VPS26B: variants seen among roughly 807,000 people sequenced by gnomAD.
VPS26B encodes VPS26 retromer complex component B.
Under a neutral mutation model 33.3 loss-of-function variants are expected in VPS26B, and 10 were observed. The ratio of observed to expected loss-of-function variants is 0.30; its 90% CI spans 0.19 to 0.51. The LOEUF (loss-of-function observed/expected upper bound fraction) is 0.51, where lower values mean the gene tolerates loss of function less well. Ranked by LOEUF, VPS26B falls within the 20% of genes least tolerant of loss-of-function variation. VPS26B has a pLI of 0.98. For missense variants in VPS26B, 317 were observed against 452.7 expected (o/e 0.70, Z 2.72); for synonymous variants, 190 against 176.9 (o/e 1.07, Z -0.59).
At chr11:134,243,458 G>T in intron 4 of VPS26B, 164 bp downstream of exon 4, 2 of 820,388 alleles carry the variant, frequency 2.4e-6, no homozygotes, top group South Asian at 1.9e-5. Flanking sequence ...AGGAAGAAAA[G>T]GAAGGCTGAG....
intron 1 of VPS26B, among the ~76,000 whole-genome samples, chr11:134,232,646 G>A (rs890715752): frequency 1.3e-5 from 2 of 152,222 alleles, no homozygotes; most frequent in African/African-American, 2.4e-5. Flanking sequence ...TGCCTTCTCT[G>A]TTTTGTTTAT....
chr11:134,237,796 G>T (rs531154020), intron 2 of VPS26B, among the ~76,000 whole-genome samples: 1 of 152,232 alleles, frequency 6.6e-6, no homozygotes, highest in Non-Finnish European at 1.5e-5. Flanking sequence ...AGCGGTTTCT[G>T]TTGGGTGGTG....
chr11:134,242,657 T>C (rs1269056294), intron 3 of VPS26B, among the ~76,000 whole-genome samples: 3 of 152,272 alleles, frequency 2.0e-5, no homozygotes, highest in African/African-American at 7.2e-5. Context: ...CTACTGCTGC[T>C]GCCTGGCCTG....
At chr11:134,238,853 C>T (rs1938676051) in intron 2 of VPS26B, among the ~76,000 whole-genome samples, 1 of 152,164 alleles carries the variant, frequency 6.6e-6, no homozygotes. Flanking sequence ...CCTCTGCCTC[C>T]CAAAGTGCTG....
At chr11:134,231,978 TGTGATG>T (rs1938561746) in intron 1 of VPS26B, among the ~76,000 whole-genome samples, 1 of 152,248 alleles carries the variant, frequency 6.6e-6, no homozygotes, top group South Asian at 2.1e-4. Flanking sequence ...ATGGGTGACC[TGTGATG>T]CAAAGCTGGC....
intron 1 of VPS26B, among the ~76,000 whole-genome samples, chr11:134,228,553 T>C (rs1319457911): frequency 6.6e-6 from 1 of 152,158 alleles, no homozygotes; most frequent in Non-Finnish European, 1.5e-5. Flanking sequence ...TTCTATTCGA[T>C]GTAAAAGGGA....
At chr11:134,237,000 T>C (rs148131747) in intron 2 of VPS26B, among the ~76,000 whole-genome samples, 79 of 152,344 alleles carry the variant, frequency 5.2e-4, no homozygotes, top group African/African-American at 1.8e-3. Flanking sequence ...AAAGTGTTAA[T>C]GTCCAAATCA....
chr11:134,243,446 TAAGG>T, intron 4 of VPS26B, 152 bp downstream of exon 4: 2 of 963,544 alleles, frequency 2.1e-6, no homozygotes, highest in East Asian at 5.3e-5. Context: ...TGGGTGGCCA[TAAGG>T]AAGAAAAGGA....
intron 2 of VPS26B, chr11:134,235,348 C>T (rs1938616743): frequency 8.1e-6 from 2 of 247,864 alleles, no homozygotes; most frequent in Non-Finnish European, 1.5e-5. Flanking sequence ...CATATGGAGA[C>T]ACATTCCCTC....
chr11:134,234,923 C>G lies in VPS26B; in HGVS notation c.250C>G (p.His84Asp). 6.2e-7 allele frequency: 1 copy of G among 1,614,154 alleles called. No homozygotes were observed. Among genetic ancestry groups the G allele is most frequent in the Non-Finnish European group, 8.5e-7 (1 of 1,180,016 alleles). Residue 84 changes from histidine to aspartate, a missense_variant, in exon 2 of 6, where the codon CAT becomes GAT. His to Asp is a moderately conservative substitution (Grantham distance 81). Transcript: ENST00000281187. ...IELYYDRGNH[H>D]EFVSLVKDLA... The stretch of plus-strand genomic sequence containing the variant: ...ACTCTACTACGATCGCGGGAACCAC[C>G]ATGAGTTTGTGTCCCTGGTGAAGGA...
At chr11:134,228,220 T>G (rs1938506399) in intron 1 of VPS26B, among the ~76,000 whole-genome samples, 1 of 152,020 alleles carries the variant, frequency 6.6e-6, no homozygotes, top group South Asian at 2.1e-4. Flanking sequence ...AATACACACA[T>G]GGACAGGGAG....
chr11:134,238,809 A>T (rs1474092880), intron 2 of VPS26B, among the ~76,000 whole-genome samples: 1 of 151,682 alleles, frequency 6.6e-6, no homozygotes. Flanking sequence ...GTTAGCCAGG[A>T]TGGTCTCGAT....
chr11:134,244,839 C>A lies in VPS26B; in HGVS notation c.722-99C>A. On this transcript the variant is annotated intron_variant, in intron 4 of 5. Coordinates refer to ENST00000281187, the MANE Select transcript of VPS26B (RefSeq NM_052875.5). The surrounding 1 kb of genome is among the most constrained non-coding windows in gnomAD (Gnocchi z 4.0). The stretch of plus-strand genomic sequence containing the variant: ...CCCAGAAGGCTGAAGTGCTCGTGTG[C>A]TGCACTCCAGTGGCATCTCTGCAGT... 6.9e-7 allele frequency: 1 copy of A among 1,458,392 alleles called. No individual in the cohort carries two copies. The allele number at this position is 1,458,392 out of a possible 1,614,324, so 90.3% of individuals were successfully genotyped here.
At chr11:134,229,864 AT>A (rs1938533277) in intron 1 of VPS26B, among the ~76,000 whole-genome samples, 1 of 151,772 alleles carries the variant, frequency 6.6e-6, no homozygotes, top group South Asian at 2.1e-4. Flanking sequence ...GTATATCCAA[AT>A]CCCTCCTGCT....
chr11:134,225,378 G>A (rs1014070748), intron 1 of VPS26B, 33 bp downstream of exon 1: 15 of 1,607,830 alleles, frequency 9.3e-6, no homozygotes, highest in Admixed American at 1.7e-5. Flanking sequence ...CTCCCCCAGC[G>A]CCGACAGCCG....
chr11:134,244,870 G>C lies in VPS26B; in HGVS notation c.722-68G>C. On this transcript the variant is annotated intron_variant, in intron 4 of 5. Coordinates refer to ENST00000281187, the MANE Select transcript of VPS26B (RefSeq NM_052875.5). The surrounding 1 kb of genome is among the most constrained non-coding windows in gnomAD (Gnocchi z 4.0). ...TCCAGTGGCATCTCTGCAGTGGTCA[G>C]AGTGACCTGGTATAAGGGAGAGGGC... 1 of 1,564,672 alleles carries C rather than the reference G, an allele frequency of 6.4e-7. No homozygotes were observed. The highest frequency in any genetic ancestry group is 8.6e-7 in the Non-Finnish European group (1 of 1,160,500).
intron 2 of VPS26B, 41 bp downstream of exon 2, chr11:134,235,094 T>C: frequency 1.3e-6 from 2 of 1,588,948 alleles, no homozygotes; most frequent in East Asian, 2.3e-5. Flanking sequence ...CCCTAGAACC[T>C]GCCCCATGTG....
Position 134,243,111 on chromosome 11 carries a change from T to C in VPS26B, c.546-8T>C. On this transcript the variant is annotated splice_region_variant and splice_polypyrimidine_tract_variant and intron_variant, in intron 3 of 5. Coordinates refer to ENST00000281187, the MANE Select transcript of VPS26B (RefSeq NM_052875.5). ...AACATCTTACTTTCTGTACTTTCTGTTCCCCAGATACCACTTGAAAGATGT... is the reference window on the plus strand; with the variant it reads ...AACATCTTACTTTCTGTACTTTCTGCTCCCCAGATACCACTTGAAAGATGT... 1 of 1,614,140 alleles carries C rather than the reference T, an allele frequency of 6.2e-7. No individual in the cohort carries two copies. The highest frequency in any genetic ancestry group is 8.5e-7 in the Non-Finnish European group (1 of 1,179,960).
At chr11:134,237,287 T>A (rs1938647417) in intron 2 of VPS26B, among the ~76,000 whole-genome samples, 1 of 152,180 alleles carries the variant, frequency 6.6e-6, no homozygotes, top group South Asian at 2.1e-4. Flanking sequence ...GAGTATGATT[T>A]TGGTGGCTGT....
Sources: allele counts gnomAD v4.1 joint callset (sites outside exome capture counted in the v4.1 genomes callset), GRCh38; gene constraint gnomAD v4.1.1; non-coding constraint Gnocchi (gnomAD v3.1); transcripts MANE v1.5; gene names NCBI Gene and HGNC (gene_info 2026-07-23, HGNC 2026-07-21).